The following CDK6 variants were observed in gnomAD, a reference collection of about 807,000 sequenced individuals.
CDK6 encodes cyclin dependent kinase 6.
A neutral mutation model predicts 37.1 loss-of-function variants in CDK6; 6 were observed. The ratio of observed to expected loss-of-function variants is 0.16; its 90% CI spans 0.09 to 0.32. The LOEUF (loss-of-function observed/expected upper bound fraction) is 0.32, where lower values mean the gene tolerates loss of function less well. CDK6 is among the 10% of genes least tolerant of loss of function. The pLI, the probability that CDK6 is intolerant of heterozygous loss-of-function variation, is 1.00. For synonymous variants in CDK6, 160 were observed against 161.3 expected, an observed-to-expected ratio of 0.99 and a Z score of 0.06; for missense variants, 224 against 418.9, an observed-to-expected ratio of 0.53 and a Z score of 4.06.
chr7:92,710,465 G>A (rs1334977092), intron 4 of CDK6, among the ~76,000 whole-genome samples: 1 of 152,058 alleles, frequency 6.6e-6, no homozygotes, highest in Admixed American at 6.6e-5. Context: ...CCCAATATTC[G>A]GTTATCGGAA....
Position 92,684,655 on chromosome 7 carries a change from C to T in CDK6, c.538-13120G>A, listed in dbSNP as rs539091125. Reference sequence around the variant, plus strand: ...TCTGCAAATGAGACCACCATCTCACCAGCTGCCCATGTCAGGCTCTTCCTC... The same window carrying T: ...TCTGCAAATGAGACCACCATCTCACTAGCTGCCCATGTCAGGCTCTTCCTC... On this transcript the variant is annotated intron_variant, in intron 4 of 7. Transcript: ENST00000424848. Among the ~76,000 whole-genome samples the T allele has an allele frequency of 3.3e-5, 5 of 152,272 alleles. No individual in the cohort carries two copies. The South Asian group carries it at 6.2e-4, about 19-fold the overall frequency.
intron 5 of CDK6, among the ~76,000 whole-genome samples, chr7:92,661,058 G>A (rs976186984): frequency 6.6e-6 from 1 of 152,206 alleles, no homozygotes; most frequent in African/African-American, 2.4e-5. Context: ...TTTACCAACA[G>A]TGAGGACAGG....
At chr7:92,813,806 T>C (rs1800951094) in intron 2 of CDK6, among the ~76,000 whole-genome samples, 1 of 152,014 alleles carries the variant, frequency 6.6e-6, no homozygotes, top group South Asian at 2.1e-4. Flanking sequence ...TAAGCAGCAA[T>C]AGATACCTTG....
intron 2 of CDK6, among the ~76,000 whole-genome samples, chr7:92,827,996 G>A (rs1049199499): frequency 6.6e-6 from 1 of 152,028 alleles, no homozygotes; most frequent in African/African-American, 2.4e-5. Flanking sequence ...TAATGTGCCA[G>A]AGCCACATTA....
intron 3 of CDK6, among the ~76,000 whole-genome samples, chr7:92,737,038 C>T (rs1185889643): frequency 4.6e-5 from 7 of 152,312 alleles, no homozygotes; most frequent in Middle Eastern, 3.4e-3. Context: ...ATCTAACCTT[C>T]GTTTCTTCAT....
chr7:92,638,769 C>G (rs1796234672), intron 5 of CDK6, among the ~76,000 whole-genome samples: 1 of 152,196 alleles, frequency 6.6e-6, no homozygotes, highest in Admixed American at 6.5e-5. Context: ...TTGAAGATGT[C>G]TTTTGACCCC....
chr7:92,670,708 C>T (rs1797054087), intron 5 of CDK6, among the ~76,000 whole-genome samples: 1 of 152,202 alleles, frequency 6.6e-6, no homozygotes. Flanking sequence ...TACGCACCAA[C>T]CCTATAAATG....
At chr7:92,796,072 A>C (rs1189516297) in intron 2 of CDK6, among the ~76,000 whole-genome samples, 1 of 149,914 alleles carries the variant, frequency 6.7e-6, no homozygotes, top group Non-Finnish European at 1.5e-5. Flanking sequence ...CACCACCAGC[A>C]GCTGAAATTA....
chr7:92,825,736 TA>T (rs1417717606), intron 2 of CDK6, among the ~76,000 whole-genome samples: 2 of 152,090 alleles, frequency 1.3e-5, no homozygotes, highest in African/African-American at 4.8e-5. Flanking sequence ...ATGGGAAAAA[TA>T]AAAGAACTCA....
chr7:92,625,709 G>T (rs1158127286), intron 5 of CDK6, among the ~76,000 whole-genome samples: 1 of 151,992 alleles, frequency 6.6e-6, no homozygotes, highest in African/African-American at 2.4e-5. Flanking sequence ...TGTAATCTCA[G>T]TAACAGTGGC....
intron 3 of CDK6, among the ~76,000 whole-genome samples, chr7:92,760,740 T>C (rs1405465064): frequency 6.6e-6 from 1 of 152,164 alleles, no homozygotes; most frequent in Non-Finnish European, 1.5e-5. Context: ...AGTTTTTTAA[T>C]ATATGTATTT....
At chr7:92,701,499 G>A (rs1310973276) in intron 4 of CDK6, among the ~76,000 whole-genome samples, 2 of 151,496 alleles carry the variant, frequency 1.3e-5, no homozygotes, top group Non-Finnish European at 2.9e-5. Flanking sequence ...TCCGCCTCCC[G>A]GGTTCAGGCC....
intron 4 of CDK6, among the ~76,000 whole-genome samples, chr7:92,697,725 C>G (rs190325670): frequency 5.7e-4 from 87 of 152,280 alleles, no homozygotes; most frequent in African/African-American, 2.0e-3. Context: ...GCATGTCAAT[C>G]TTTTAAGAAG....
chr7:92,640,999 A>G (rs539679877), intron 5 of CDK6, among the ~76,000 whole-genome samples: 7 of 152,356 alleles, frequency 4.6e-5, no homozygotes, highest in African/African-American at 1.4e-4. Flanking sequence ...ATATTTTTAT[A>G]TAAGAAAAGC....
chr7:92,794,586 A>T (rs1265867039), intron 2 of CDK6, among the ~76,000 whole-genome samples: 1 of 152,004 alleles, frequency 6.6e-6, no homozygotes, highest in Non-Finnish European at 1.5e-5. Flanking sequence ...TTCTCTGTCC[A>T]TCTGGTGACG....
Position 92,822,887 on chromosome 7 carries a change from C to T in CDK6, c.233+10204G>A, listed in dbSNP as rs75884302. On this transcript the variant is annotated intron_variant, in intron 2 of 7. Coordinates refer to ENST00000424848, the MANE Select transcript of CDK6 (RefSeq NM_001145306.2). ...CCAGGTTTCAGAGTTTGAAGTTTAT[C>T]AAGAAACTTCAGATCTACTCACTAT... Among the ~76,000 whole-genome samples the T allele has an allele frequency of 4.9e-4, 75 of 152,078 alleles. 1 individual carries two copies. Among genetic ancestry groups the T allele is most frequent in the Non-Finnish European group, 8.7e-4 (59 of 67,968 alleles).
At chr7:92,829,902 A>G (rs887127808) in intron 2 of CDK6, among the ~76,000 whole-genome samples, 8 of 152,282 alleles carry the variant, frequency 5.3e-5, no homozygotes, top group African/African-American at 1.9e-4. Flanking sequence ...GGCAAGTTCT[A>G]CAAGTGCGGA....
chr7:92,733,678 G>A (rs1798706406), intron 3 of CDK6, among the ~76,000 whole-genome samples: 1 of 152,008 alleles, frequency 6.6e-6, no homozygotes, highest in South Asian at 2.1e-4. Flanking sequence ...AATTTTAAAT[G>A]CCACTATTTC....
chr7:92,646,525 G>A (rs1477580562), intron 5 of CDK6, among the ~76,000 whole-genome samples: 1 of 151,700 alleles, frequency 6.6e-6, no homozygotes, highest in Non-Finnish European at 1.5e-5. Flanking sequence ...AGCCTCCCGA[G>A]TAGCTGGGAT....
Sources: allele counts gnomAD v4.1 joint callset (sites outside exome capture counted in the v4.1 genomes callset), GRCh38; gene constraint gnomAD v4.1.1; transcripts MANE v1.5; gene names NCBI Gene and HGNC (gene_info 2026-07-23, HGNC 2026-07-21).